Variants in OXR1 observed in about 807,000 individuals in gnomAD.
OXR1 encodes the protein oxidation resistance 1.
Under a neutral mutation model 104.6 loss-of-function variants are expected in OXR1, and 41 were observed. That is an observed-to-expected ratio of 0.39 (90% CI 0.31 to 0.51). The LOEUF is 0.51. Among genes scored for constraint, OXR1 ranks in the 20% least tolerant of loss-of-function variants. The pLI is 0.77. For missense variants in OXR1, 955 were observed against 1,031.9 expected (o/e 0.93, Z 1.02); for synonymous variants, 348 against 348.4 (o/e 1.00, Z 0.01).
chr8:106,386,353 T>C (rs759553031), intron 2 of OXR1, among the ~76,000 whole-genome samples: 13 of 152,176 alleles, frequency 8.5e-5, no homozygotes, highest in Non-Finnish European at 1.9e-4. Context: ...GACAGAAGAC[T>C]CTGAATAGGG....
chr8:106,528,626 T>A (rs920624826), intron 3 of OXR1, among the ~76,000 whole-genome samples: 1 of 152,140 alleles, frequency 6.6e-6, no homozygotes, highest in Non-Finnish European at 1.5e-5. Flanking sequence ...CACCAGACAC[T>A]TTAAAATATC....
intron 1 of OXR1, among the ~76,000 whole-genome samples, chr8:106,346,112 C>T (rs1563729453): frequency 3.7e-5 from 5 of 133,526 alleles, no homozygotes; most frequent in African/African-American, 5.3e-5. Context: ...CCCCTACCGC[C>T]GCCAGTGAAT....
intron 2 of OXR1, among the ~76,000 whole-genome samples, chr8:106,463,461 A>T (rs1347082818): frequency 6.6e-6 from 1 of 152,134 alleles, no homozygotes; most frequent in East Asian, 1.9e-4. Flanking sequence ...ATAAAATGTT[A>T]ATAACACAAA....
chr8:106,373,302 C>T (rs1482821839), intron 2 of OXR1, among the ~76,000 whole-genome samples: 1 of 152,040 alleles, frequency 6.6e-6, no homozygotes, highest in East Asian at 1.9e-4. Context: ...TTTTAAATCC[C>T]CTCCCTTTCC....
chr8:106,319,131 C>G (rs1814105330), intron 1 of OXR1, among the ~76,000 whole-genome samples: 1 of 152,116 alleles, frequency 6.6e-6, no homozygotes, highest in Non-Finnish European at 1.5e-5. Context: ...TATAGCATAC[C>G]ATTTTCTTCA....
chr8:106,336,597 T>C (rs1335835371), intron 1 of OXR1, among the ~76,000 whole-genome samples: 1 of 152,232 alleles, frequency 6.6e-6, no homozygotes, highest in Non-Finnish European at 1.5e-5. Flanking sequence ...GTTACCCGTC[T>C]TTAACTAACA....
intron 3 of OXR1, among the ~76,000 whole-genome samples, chr8:106,677,762 T>C (rs72682851): frequency 0.011 from 1,666 of 150,548 alleles, 11 homozygotes; most frequent in Non-Finnish European, 0.018. Flanking sequence ...TGCGCACGCG[T>C]GTGTGTGTGT....
chr8:106,372,461 T>G (rs1159892562), intron 2 of OXR1, among the ~76,000 whole-genome samples: 1 of 152,106 alleles, frequency 6.6e-6, no homozygotes, highest in African/African-American at 2.4e-5. Context: ...GTCAGCCATC[T>G]TGGCCTCTCC....
intron 1 of OXR1, among the ~76,000 whole-genome samples, chr8:106,281,712 A>G (rs762462535): frequency 2.3e-4 from 35 of 150,638 alleles, no homozygotes; most frequent in Non-Finnish European, 3.7e-4. Flanking sequence ...AGAGAGGAGA[A>G]TCGCTTGAAC....
At chr8:106,354,866 A>G (rs1402794903) in intron 1 of OXR1, among the ~76,000 whole-genome samples, 1 of 152,104 alleles carries the variant, frequency 6.6e-6, no homozygotes, top group Non-Finnish European at 1.5e-5. Flanking sequence ...AACTAAACGA[A>G]TTTATTAGAA....
intron 2 of OXR1, among the ~76,000 whole-genome samples, chr8:106,485,965 G>C (rs529122839): frequency 6.6e-6 from 1 of 151,818 alleles, no homozygotes; most frequent in Non-Finnish European, 1.5e-5. Flanking sequence ...CAGAGGGGGT[G>C]GGGGTGGAGT....
intron 11 of OXR1, among the ~76,000 whole-genome samples, chr8:106,727,228 A>G (rs1206057418): frequency 2.2e-5 from 3 of 138,770 alleles, no homozygotes; most frequent in East Asian, 2.0e-4. Context: ...CAATGAAGCT[A>G]TTCATACATT....
chr8:106,397,798 A>G (rs971259448), intron 2 of OXR1, among the ~76,000 whole-genome samples: 4 of 152,126 alleles, frequency 2.6e-5, no homozygotes, highest in Non-Finnish European at 5.9e-5. Flanking sequence ...TGTACCTTGC[A>G]TTAGTTTTTT....
At chr8:106,617,008 A>T (rs1313103612) in intron 3 of OXR1, among the ~76,000 whole-genome samples, 2 of 152,224 alleles carry the variant, frequency 1.3e-5, no homozygotes, top group South Asian at 2.1e-4. Context: ...ATGACAGGGA[A>T]GAAGGAAAGG....
At chr8:106,320,315 C>G (rs1586518358) in intron 1 of OXR1, among the ~76,000 whole-genome samples, 1 of 152,202 alleles carries the variant, frequency 6.6e-6, no homozygotes, top group South Asian at 2.1e-4. Flanking sequence ...GCGTCAGGAT[C>G]TCCTTGTCGT....
chr8:106,442,657 G>A (rs181894673), intron 2 of OXR1, among the ~76,000 whole-genome samples: 12 of 152,186 alleles, frequency 7.9e-5, no homozygotes, highest in African/African-American at 9.6e-5. Context: ...GGGTGTATGC[G>A]TCCAGGAATT....
chr8:106,419,793 A>C (rs994042170), intron 2 of OXR1, among the ~76,000 whole-genome samples: 2 of 152,070 alleles, frequency 1.3e-5, no homozygotes, highest in Admixed American at 6.6e-5. Flanking sequence ...GTTTTATTTT[A>C]TTTTATGGAA....
At chr8:106,413,884 C>A (rs192339504) in intron 2 of OXR1, among the ~76,000 whole-genome samples, 1 of 151,998 alleles carries the variant, frequency 6.6e-6, no homozygotes, top group African/African-American at 2.4e-5. Context: ...CCACCATGCC[C>A]AGCTAACTTT....
At chr8:106,657,909 G>A (rs1023562625) in intron 3 of OXR1, 4 of 1,246,706 alleles carry the variant, frequency 3.2e-6, no homozygotes, top group Admixed American at 8.4e-5. Flanking sequence ...ATGGGCCGGT[G>A]GGCGCGCTAG....
Sources: gnomAD v4.1 joint callset for allele counts (sites outside exome capture counted in the v4.1 genomes callset) on GRCh38, gnomAD v4.1.1 for gene constraint, MANE v1.5 for transcripts, NCBI Gene and HGNC (gene_info 2026-07-23, HGNC 2026-07-21) for gene names.